Variants in CGGBP1 observed in about 807,000 individuals in gnomAD.
The protein encoded by CGGBP1 is CGG triplet repeat binding protein 1.
A neutral mutation model predicts 11.4 loss-of-function variants in CGGBP1; 4 were observed. The observed-to-expected ratio is 0.35, with a 90% CI of 0.17 to 0.80. The LOEUF is 0.80. Among genes scored for constraint, CGGBP1 ranks in the 30% least tolerant of loss-of-function variants. CGGBP1 has a pLI of 0.52. For missense variants in CGGBP1, 135 were observed against 202.1 expected (o/e 0.67, Z 2.01); for synonymous variants, 76 against 74.1 (o/e 1.03, Z -0.13).
chr3:88,068,653 A>G (rs1249254215), intron 2 of CGGBP1, among the ~76,000 whole-genome samples: 1 of 152,192 alleles, frequency 6.6e-6, no homozygotes, highest in Non-Finnish European at 1.5e-5. Context: ...TATATGCTGT[A>G]TATATGTATA....
At chr3:88,118,894 G>A (rs1705578703) in intron 2 of CGGBP1, among the ~76,000 whole-genome samples, 2 of 151,296 alleles carry the variant, frequency 1.3e-5, no homozygotes, top group Non-Finnish European at 1.5e-5. Flanking sequence ...AACAGGTGCT[G>A]GAGAGGATGT....
At position 88,119,798 on chromosome 3, in the gene CGGBP1, A is replaced by G. The variant is rs1230530507; in HGVS notation, c.-229+21172T>C. Reference sequence around the variant, plus strand: ...AATATGATAGCCATATTAATTCATTACTTATTTTAAAATGCTAATGATAGG... The same window carrying G: ...AATATGATAGCCATATTAATTCATTGCTTATTTTAAAATGCTAATGATAGG... On this transcript the variant is annotated intron_variant, in intron 2 of 3. Transcript: ENST00000462901. Among the ~76,000 whole-genome samples, 8 of 152,170 alleles carry G rather than the reference A, an allele frequency of 5.3e-5. No homozygotes were observed. In the South Asian group the frequency reaches 1.4e-3, roughly 28 times the overall value.
chr3:88,127,124 G>A (rs1295364236), intron 2 of CGGBP1, among the ~76,000 whole-genome samples: 1 of 152,324 alleles, frequency 6.6e-6, no homozygotes, highest in African/African-American at 2.4e-5. Flanking sequence ...ATTTAAAAGT[G>A]TGGAGAGAGC....
chr3:88,093,412 A>G (rs1397645618), intron 2 of CGGBP1, among the ~76,000 whole-genome samples: 1 of 152,196 alleles, frequency 6.6e-6, no homozygotes, highest in African/African-American at 2.4e-5. Context: ...CATTCCAGGT[A>G]GAGGTGAGTT....
chr3:88,055,465 C>T lies in CGGBP1; in HGVS notation c.*8G>A, dbSNP rs114905975. ...TTTATCTTGATCACAATGGTGGTAA[C>T]CTCCTAGTCAACAATCTTGTGAGTT... is the stretch of plus-strand genomic sequence containing the variant. On this transcript the variant is annotated 3_prime_UTR_variant, in exon 4 of 4. Transcript: ENST00000482016. This position sits in a 1 kb window ranked among gnomAD's most constrained non-coding sequence, Gnocchi z 4.2. The T allele has an allele frequency of 2.1e-3, 3,139 of 1,512,228 alleles. 46 individuals are homozygous for T. The African/African-American group carries it at 0.039, about 19-fold the overall frequency. The allele number at this position is 1,512,228 out of a possible 1,614,324, so 93.7% of individuals were successfully genotyped here.
intron 2 of CGGBP1, chr3:88,126,257 T>G (rs1436206422): frequency 6.6e-7 from 1 of 1,515,218 alleles, no homozygotes. Context: ...TCAGCCAGCA[T>G]CTCAGGAGAT....
chr3:88,071,995 A>G (rs1052620232), intron 2 of CGGBP1, among the ~76,000 whole-genome samples: 8 of 152,168 alleles, frequency 5.3e-5, no homozygotes, highest in African/African-American at 9.6e-5. Flanking sequence ...TTTTCTTACT[A>G]TCAATCAGTT....
intron 2 of CGGBP1, among the ~76,000 whole-genome samples, chr3:88,125,067 T>C (rs1310815020): frequency 6.6e-6 from 1 of 151,918 alleles, no homozygotes; most frequent in Non-Finnish European, 1.5e-5. Context: ...TACAAAAAAT[T>C]AGCTGGGCAT....
intron 2 of CGGBP1, chr3:88,140,665 C>A: frequency 6.2e-7 from 1 of 1,613,682 alleles, no homozygotes; most frequent in South Asian, 1.1e-5. Context: ...AAAATTGATA[C>A]AAACAGAATC....
chr3:88,055,360 C>T lies in CGGBP1; in HGVS notation c.*113G>A. ...CTGCAACTATATACACATTGCAAAA[C>T]TATTCTGCGTCACATGATTTTAAAT... is the stretch of plus-strand genomic sequence containing the variant. On this transcript the variant is annotated 3_prime_UTR_variant, in exon 4 of 4. Transcript: ENST00000482016. This position sits in a 1 kb window ranked among gnomAD's most constrained non-coding sequence, Gnocchi z 4.2. 1 of 1,086,336 alleles carries T rather than the reference C, an allele frequency of 9.2e-7. No homozygotes were observed. The highest frequency in any genetic ancestry group is 1.3e-6 in the Non-Finnish European group (1 of 777,892). 67.3% of individuals were successfully genotyped at this position (1,086,336 alleles called of 1,614,324 possible).
intron 2 of CGGBP1, among the ~76,000 whole-genome samples, chr3:88,124,240 T>TATA (rs1320186365): frequency 1.3e-5 from 2 of 152,216 alleles, no homozygotes; most frequent in African/African-American, 2.4e-5. Flanking sequence ...AACAATCCTA[T>TATA]GAAGTAGGTG....
At chr3:88,136,541 A>G (rs1706793891) in intron 2 of CGGBP1, among the ~76,000 whole-genome samples, 1 of 152,188 alleles carries the variant, frequency 6.6e-6, no homozygotes, top group Non-Finnish European at 1.5e-5. Flanking sequence ...TTTCAATGAC[A>G]TGAGGGTAGT....
At position 88,083,337 on chromosome 3, in the gene CGGBP1, CT is replaced by C. The variant is rs542857752; in HGVS notation, c.-228-25115del. ...ATTTTGACAGTTTTGACTGATGAGT[CT>C]TTTCTCATTCTCACATTAATTTACC... On this transcript the variant is annotated intron_variant, in intron 2 of 3. Coordinates refer to the CGGBP1 transcript ENST00000462901. Among the ~76,000 whole-genome samples, 377 of 152,234 alleles carry C rather than the reference CT, an allele frequency of 2.5e-3. 1 individual carries two copies. The highest frequency in any genetic ancestry group is 8.8e-3 in the African/African-American group (364 of 41,554).
At chr3:88,129,024 A>G in intron 2 of CGGBP1, 1 of 1,523,790 alleles carries the variant, frequency 6.6e-7, no homozygotes, top group South Asian at 1.2e-5. Context: ...ATTGTTTGAG[A>G]CTATTTTTGC....
At chr3:88,139,145 G>A in intron 2 of CGGBP1, 7 of 1,312,272 alleles carry the variant, frequency 5.3e-6, no homozygotes, top group Non-Finnish European at 6.8e-6. Flanking sequence ...CGGAGGAACA[G>A]CAAGGTTTGG....
chr3:88,141,178 C>T, intron 1 of CGGBP1: 1 of 1,064,552 alleles, frequency 9.4e-7, no homozygotes, highest in Non-Finnish European at 1.3e-6. Flanking sequence ...TTACTCCATA[C>T]ATTATTTCCT....
chr3:88,059,477 G>C (rs1559681291), upstream of CGGBP1: 2 of 1,515,682 alleles, frequency 1.3e-6, no homozygotes, highest in East Asian at 2.5e-5. Context: ...GGAATCAGCA[G>C]TCGGGATTAC....
chr3:88,067,624 G>A (rs1490966805), intron 2 of CGGBP1, among the ~76,000 whole-genome samples: 1 of 152,202 alleles, frequency 6.6e-6, no homozygotes, highest in Non-Finnish European at 1.5e-5. Flanking sequence ...AAAAGGCAAG[G>A]AAAGAGAATG....
At chr3:88,138,242 T>C (rs1706917704) in intron 2 of CGGBP1, among the ~76,000 whole-genome samples, 1 of 152,296 alleles carries the variant, frequency 6.6e-6, no homozygotes, top group East Asian at 1.9e-4. Flanking sequence ...CATATAGCAC[T>C]ATAATAAAAG....
Sources: allele counts gnomAD v4.1 joint callset (sites outside exome capture counted in the v4.1 genomes callset), GRCh38; gene constraint gnomAD v4.1.1; non-coding constraint Gnocchi (gnomAD v3.1); transcripts MANE v1.5; gene names NCBI Gene and HGNC (gene_info 2026-07-23, HGNC 2026-07-21).